The following IQSEC2 variants were observed in gnomAD, a reference collection of about 807,000 sequenced individuals.
IQSEC2 encodes the protein IQ motif and SEC7 domain-containing protein 2.
IQSEC2 carries 6 observed loss-of-function variants against 74.6 expected under a neutral mutation model. The observed-to-expected ratio is 0.08, with a 90% CI of 0.04 to 0.16. The LOEUF is 0.16. Ranked by LOEUF, IQSEC2 falls within the 10% of genes least tolerant of loss-of-function variation. The probability of loss-of-function intolerance (pLI) is 1.00; values close to 1 mark genes in which losing one functional copy is unlikely to be tolerated. For missense variants in IQSEC2, 734 were observed against 1,306.2 expected, an observed-to-expected ratio of 0.56 and a Z score of 6.75; for synonymous variants, 494 against 544.5, an observed-to-expected ratio of 0.91 and a Z score of 1.29.
In IQSEC2 at chrX:53,234,426, G is replaced by C; in HGVS notation, c.4260C>G (p.His1420Gln). 9.8e-7 allele frequency: 1 copy of C among 1,024,340 alleles called. No homozygotes were observed. The highest frequency in any genetic ancestry group is 1.3e-6 in the Non-Finnish European group (1 of 792,631). 84.4% of individuals were successfully genotyped at this position (1,024,340 alleles called of 1,213,427 possible). ...AGTGTGGTGACAATGGTGACTGGGGGTGGTGGGGGTGGGAGTAGGAGCCCC... is the reference window on the plus strand; with the variant it reads ...AGTGTGGTGACAATGGTGACTGGGGCTGGTGGGGGTGGGAGTAGGAGCCCC... ...PPGGSYSHPH[H>Q]PQSPLSPHSP... Residue 1420 changes from histidine to glutamine, a missense_variant, in exon 15 of 15, where the codon CAC becomes CAG. His to Gln is a conservative substitution (Grantham distance 24). Transcript: ENST00000642864.
chrX:53,257,523 G>A (rs1171453072), intron 2 of IQSEC2, among the ~76,000 whole-genome samples: 3 of 110,978 alleles, frequency 2.7e-5, no homozygotes, highest in East Asian at 2.9e-4. Flanking sequence ...GCCCACCCCC[G>A]GCATCCAAGA....
At position 53,241,934 on chromosome X, in the gene IQSEC2, G is replaced by A. The variant is rs368997827; in HGVS notation, c.2890-25C>T. The A allele has an allele frequency of 1.3e-5, 16 of 1,200,965 alleles. No individual in the cohort carries two copies. The African/African-American group carries it at 2.5e-4, about 18-fold the overall frequency. The stretch of plus-strand genomic sequence containing the variant: ...CCTAGACAGGCATGAAGAAACAGGT[G>A]TCAGCAAGGCCAGCCCATCAGCTTC... On this transcript the variant is annotated intron_variant, in intron 9 of 14. Coordinates refer to ENST00000642864, the MANE Select transcript of IQSEC2 (RefSeq NM_001111125.3).
chrX:53,300,084 C>G (rs953336677), intron 1 of IQSEC2, among the ~76,000 whole-genome samples: 1 of 111,501 alleles, frequency 9.0e-6, no homozygotes, highest in Admixed American at 9.6e-5. Context: ...TTCAACATTC[C>G]CATTCTCAGG....
At chrX:53,313,459 G>A (rs1039860334) in intron 1 of IQSEC2, among the ~76,000 whole-genome samples, 15 of 111,992 alleles carry the variant, frequency 1.3e-4, no homozygotes, top group Non-Finnish European at 2.8e-4. Flanking sequence ...CCGTGTAAAT[G>A]CTTCCAACAG....
chrX:53,268,966 A>G (rs1236677266), intron 2 of IQSEC2, among the ~76,000 whole-genome samples: 1 of 112,300 alleles, frequency 8.9e-6, no homozygotes, highest in East Asian at 2.8e-4. Flanking sequence ...GTACTAAGCA[A>G]GGCTGGTGCT....
chrX:53,255,718 C>T, intron 3 of IQSEC2, 82 bp downstream of exon 3: 1 of 1,108,180 alleles, frequency 9.0e-7, no homozygotes, highest in South Asian at 1.8e-5. Context: ...CTGATACCAC[C>T]CCCAAGAGCC....
chrX:53,310,819 A>G (rs2075313561), intron 1 of IQSEC2, among the ~76,000 whole-genome samples: 1 of 110,722 alleles, frequency 9.0e-6, no homozygotes, highest in Non-Finnish European at 1.9e-5. Context: ...GAAAGAGAAC[A>G]GCACATTTAA....
Position 53,234,662 on chromosome X carries a change from C to A in IQSEC2, c.4024G>T (p.Ala1342Ser). The part of the protein sequence containing the change: ...QHYTLGRPGR[A>S]PRRGAGGHPQ... The stretch of plus-strand genomic sequence containing the variant: ...TGTCCTCCAGCCCCCCGTCTGGGTG[C>A]CCTGCCTGGCCGGCCCAAGGTATAG... The change falls in exon 15 of 15, where the codon GCA becomes TCA. Residue 1342 changes from alanine (A) to serine (S), a missense_variant. Transcript: ENST00000642864. The A allele has an allele frequency of 8.8e-7, 1 of 1,137,779 alleles. No homozygotes were observed. The highest frequency in any genetic ancestry group is 1.2e-6 in the Non-Finnish European group (1 of 858,166). The allele number at this position is 1,137,779 out of a possible 1,213,427, so 93.8% of individuals were successfully genotyped here. A position where few individuals can be genotyped will look rare whatever the true frequency, so the allele number is the denominator to read the frequency against.
Position 53,321,198 on chromosome X carries a change from GC to G in IQSEC2, c.-76del. The stretch of plus-strand genomic sequence containing the variant: ...CTCTCACGGCGCCACCCTCCCCCGG[GC>G]CCAGCCGGGGGAGGGGGCCGGCGGG... On this transcript the variant is annotated 5_prime_UTR_variant, in exon 1 of 15. Transcript: ENST00000642864. 1 of 630,133 alleles carries G rather than the reference GC, an allele frequency of 1.6e-6. No homozygotes were observed. Among genetic ancestry groups the G allele is most frequent in the Non-Finnish European group, 2.3e-6 (1 of 436,129 alleles). The allele number at this position is 630,133 out of a possible 1,213,427, so 51.9% of individuals were successfully genotyped here.
At chrX:53,246,887 G>C in intron 8 of IQSEC2, 82 bp downstream of exon 8, 1 of 886,037 alleles carries the variant, frequency 1.1e-6, no homozygotes, top group African/African-American at 1.9e-5. Flanking sequence ...CCAAGGAACA[G>C]ATGGGATCTC....
chrX:53,264,808 G>A (rs782719748), intron 2 of IQSEC2, among the ~76,000 whole-genome samples: 1 of 109,162 alleles, frequency 9.2e-6, no homozygotes, highest in South Asian at 4.0e-4. Flanking sequence ...TACTGAAGCC[G>A]TTCCTGTCCA....
intron 2 of IQSEC2, among the ~76,000 whole-genome samples, chrX:53,285,693 A>T (rs782421256): frequency 8.9e-6 from 1 of 112,754 alleles, no homozygotes; most frequent in African/African-American, 3.2e-5. Context: ...GATATGGAAG[A>T]TGGCTTTAAT....
At chrX:53,261,264 G>T (rs1225732367) in intron 2 of IQSEC2, among the ~76,000 whole-genome samples, 1 of 110,713 alleles carries the variant, frequency 9.0e-6, no homozygotes, top group Non-Finnish European at 1.9e-5. Flanking sequence ...GAGAGAGAAA[G>T]AGCCTGTTGT....
intron 2 of IQSEC2, among the ~76,000 whole-genome samples, chrX:53,261,840 G>A (rs1265317609): frequency 8.9e-6 from 1 of 112,023 alleles, no homozygotes; most frequent in Non-Finnish European, 1.9e-5. Flanking sequence ...GGGAGTGCAG[G>A]AGAGAGATCC....
chrX:53,266,865 A>G, intron 2 of IQSEC2: 2 of 940,056 alleles, frequency 2.1e-6, no homozygotes, highest in South Asian at 2.3e-5. Context: ...GAAGCAGGGG[A>G]CAGGGTCCCA....
chrX:53,301,714 G>A (rs1403294607), intron 1 of IQSEC2, among the ~76,000 whole-genome samples: 3 of 111,557 alleles, frequency 2.7e-5, no homozygotes, highest in Non-Finnish European at 5.6e-5. Flanking sequence ...GAGGGCCAAG[G>A]GCTTCAACTG....
At chrX:53,279,520 C>T (rs782253370) in intron 2 of IQSEC2, 2 of 844,135 alleles carry the variant, frequency 2.4e-6, no homozygotes, top group Non-Finnish European at 3.5e-6. Context: ...GTATATTTGT[C>T]TGGAAGGAGG....
At chrX:53,263,645 C>A (rs12013178) in intron 2 of IQSEC2, among the ~76,000 whole-genome samples, 12,818 of 111,188 alleles carry the variant, frequency 0.12, 896 homozygotes, top group African/African-American at 0.26. Context: ...CCCCGACTTG[C>A]TTGATCTGGG....
intron 1 of IQSEC2, among the ~76,000 whole-genome samples, chrX:53,296,497 C>T (rs1556874330): frequency 8.9e-6 from 1 of 111,860 alleles, no homozygotes; most frequent in Non-Finnish European, 1.9e-5. Flanking sequence ...ATTTTCTCTC[C>T]TGAATATCAC....
Sources: allele counts gnomAD v4.1 joint callset (sites outside exome capture counted in the v4.1 genomes callset), GRCh38; gene constraint gnomAD v4.1.1; transcripts MANE v1.5; gene names NCBI Gene and HGNC (gene_info 2026-07-23, HGNC 2026-07-21).